Variants in SLC17A6 observed in about 807,000 individuals in gnomAD.
SLC17A6 encodes the protein vesicular glutamate transporter 2.
In SLC17A6, 35 loss-of-function variants were observed where a neutral mutation model predicts 67.1. The ratio of observed to expected loss-of-function variants is 0.52; its 90% CI spans 0.40 to 0.69. The LOEUF is 0.69. Ranked by LOEUF, SLC17A6 falls within the 30% of genes least tolerant of loss-of-function variation. SLC17A6 has a pLI of 0.00. For synonymous variants in SLC17A6, 285 were observed against 252.3 expected (o/e 1.13, Z -1.23); for missense variants, 588 against 723.9 (o/e 0.81, Z 2.15).
In SLC17A6 at chr11:22,362,776, T is replaced by C; in HGVS notation, c.699T>C (p.Ala233=). 2 of 1,613,930 alleles carry C rather than the reference T, an allele frequency of 1.2e-6. No homozygotes were observed. ...GAGCTGTGATTGCAATGCCTTTAGC[T>C]GGCATTCTTGTGCAGTACACTGGCT... ...YAGAVIAMPL[A]GILVQYTGWS... is the part of the protein sequence containing the mutation. Residue 233 remains alanine, a synonymous_variant, in exon 6 of 12, where the codon GCT becomes GCC. Coordinates refer to ENST00000263160, the MANE Select transcript of SLC17A6 (RefSeq NM_020346.3).
In SLC17A6 at chr11:22,343,372, C is replaced by T. The variant is rs556511558; in HGVS notation, c.458+7C>T. ...CTCGGCTGGCAGCCAACAGGTAATG[C>T]GCCAGGCGGGACTGGGGCTCGGGGC... On this transcript the variant is annotated splice_region_variant and intron_variant, in intron 3 of 11. Coordinates refer to ENST00000263160, the MANE Select transcript of SLC17A6 (RefSeq NM_020346.3). The T allele has an allele frequency of 1.2e-6, 2 of 1,603,364 alleles. No homozygotes were observed. The highest frequency in any genetic ancestry group is 1.3e-5 in the African/African-American group (1 of 74,294).
In SLC17A6 at chr11:22,369,370, CTAAT is replaced by C; in HGVS notation, c.892-666_892-663del. Among the ~76,000 whole-genome samples, 3 of 152,032 alleles carry C rather than the reference CTAAT, an allele frequency of 2.0e-5. No individual in the cohort carries two copies. In the South Asian group the frequency reaches 6.2e-4, roughly 32 times the overall value. ...TGAATGCTTTGAATATTTTAAGTAA[CTAAT>C]TATGTGCCAAAGGTACGCTGGGGGT... On this transcript the variant is annotated intron_variant, in intron 7 of 11. Coordinates refer to ENST00000263160, the MANE Select transcript of SLC17A6 (RefSeq NM_020346.3).
intron 3 of SLC17A6, among the ~76,000 whole-genome samples, chr11:22,349,209 A>G: frequency 6.6e-6 from 1 of 152,196 alleles, no homozygotes; most frequent in East Asian, 1.9e-4. Context: ...AAAATAATTC[A>G]GACTATGAAC....
chr11:22,372,699 A>G (rs1203072456), intron 8 of SLC17A6, among the ~76,000 whole-genome samples: 1 of 152,096 alleles, frequency 6.6e-6, no homozygotes, highest in Non-Finnish European at 1.5e-5. Context: ...GCAAAAATCT[A>G]ATTACCTGGA....
chr11:22,350,787 A>G (rs989061741), intron 3 of SLC17A6, among the ~76,000 whole-genome samples: 1 of 152,198 alleles, frequency 6.6e-6, no homozygotes. Flanking sequence ...ATGAAATACC[A>G]GACTGCTTGA....
intron 3 of SLC17A6, among the ~76,000 whole-genome samples, chr11:22,359,175 A>C (rs1232511321): frequency 2.0e-5 from 3 of 152,192 alleles, no homozygotes; most frequent in Admixed American, 2.0e-4. Context: ...GTATAACCAA[A>C]TGTATTGACT....
intron 1 of SLC17A6, among the ~76,000 whole-genome samples, chr11:22,338,844 TG>T (rs1855767470): frequency 6.6e-6 from 1 of 151,194 alleles, no homozygotes; most frequent in Non-Finnish European, 1.5e-5. Flanking sequence ...TGTGTGTGTG[TG>T]TGTGTGTTTG....
In SLC17A6 at chr11:22,362,509, C is replaced by A. The variant is rs117273360; in HGVS notation, c.662-230C>A. Among the ~76,000 whole-genome samples, 537 of 152,216 alleles carry A rather than the reference C, an allele frequency of 3.5e-3. 1 individual carries two copies. The highest frequency in any genetic ancestry group is 7.1e-3 in the East Asian group (37 of 5,182). On this transcript the variant is annotated intron_variant, in intron 5 of 11. Coordinates refer to ENST00000263160, the MANE Select transcript of SLC17A6 (RefSeq NM_020346.3). ...CATGTCTCCATTATTATTTTTAAAT[C>A]TCTGTTGTGTCTTGGGTAGGAGGTA...
chr11:22,365,759 C>G, intron 7 of SLC17A6, 70 bp downstream of exon 7: 1 of 1,482,436 alleles, frequency 6.7e-7, no homozygotes, highest in Non-Finnish European at 9.0e-7. Flanking sequence ...ACCAAACTAT[C>G]TTACAAGTTC....
rs1267967888 is a variant in SLC17A6, at chr11:22,360,905, C to T, written c.582C>T (p.Thr194=). Residue 194 remains threonine, a synonymous_variant, in exon 5 of 12, where the codon ACC becomes ACT. Coordinates refer to ENST00000263160, the MANE Select transcript of SLC17A6 (RefSeq NM_020346.3). ...RILQGLVEGV[T]YPACHGIWSK... ...ATCTTCCCCCATCACAGGGTGTGAC[C>T]TACCCAGCATGTCATGGGATATGGA... The T allele has an allele frequency of 2.5e-6, 4 of 1,613,628 alleles. No homozygotes were observed. Among genetic ancestry groups the T allele is most frequent in the East Asian group, 4.5e-5 (2 of 44,886 alleles).
At position 22,359,499 on chromosome 11, in the gene SLC17A6, T is replaced by C; in HGVS notation, c.545T>C (p.Phe182Ser). The C allele has an allele frequency of 6.2e-7, 1 of 1,607,638 alleles. No individual in the cohort carries two copies. Among genetic ancestry groups the C allele is most frequent in the Non-Finnish European group, 8.5e-7 (1 of 1,176,650 alleles). Residue 182 changes from phenylalanine to serine, a missense_variant, in exon 4 of 12, where the codon TTT becomes TCT. Phe to Ser is a radical substitution (Grantham distance 155, BLOSUM62 -2). Around this residue, in one of 4 missense-constraint regions of SLC17A6, gnomAD observed 414 missense variants for 563.4 expected, o/e 0.73. Coordinates refer to ENST00000263160, the MANE Select transcript of SLC17A6 (RefSeq NM_020346.3). ...AGAGTGCATTATGGATGTGTCATCT[T>C]TGTCAGAATACTGCAGGGACTTGTT... ...AARVHYGCVI[F>S]VRILQGLVEG...
In SLC17A6 at chr11:22,341,881, G is replaced by A. The variant is rs541706469; in HGVS notation, c.339+101G>A. On this transcript the variant is annotated intron_variant, in intron 2 of 11. Transcript: ENST00000263160. The stretch of plus-strand genomic sequence containing the variant: ...CCCGTTCCCCCGCCACTGAGAGGAA[G>A]GTTTGGGTGCTCCCTAAGCTCCTCT... The A allele has an allele frequency of 4.5e-5, 67 of 1,504,114 alleles. No individual in the cohort carries two copies. The African/African-American group carries it at 6.6e-4, about 15-fold the overall frequency. The allele number at this position is 1,504,114 out of a possible 1,614,324, so 93.2% of individuals were successfully genotyped here. A position where few individuals can be genotyped will look rare whatever the true frequency, so the allele number is the denominator to read the frequency against.
intron 2 of SLC17A6, among the ~76,000 whole-genome samples, chr11:22,342,580 G>C (rs1008460731): frequency 6.6e-6 from 1 of 152,088 alleles, no homozygotes; most frequent in Non-Finnish European, 1.5e-5. Context: ...GTTCCCCTCG[G>C]GGAGTCACCC....
intron 3 of SLC17A6, among the ~76,000 whole-genome samples, chr11:22,344,421 T>C (rs944092265): frequency 6.6e-6 from 1 of 152,166 alleles, no homozygotes; most frequent in African/African-American, 2.4e-5. Context: ...TTACTATCCC[T>C]TTCACTAGCG....
chr11:22,346,367 G>C (rs1032981143), intron 3 of SLC17A6, among the ~76,000 whole-genome samples: 7 of 152,274 alleles, frequency 4.6e-5, no homozygotes, highest in African/African-American at 1.2e-4. Context: ...TGGTCACAAT[G>C]CAGACTCCTG....
chr11:22,376,758 T>G, intron 11 of SLC17A6, 86 bp downstream of exon 11: 1 of 1,436,144 alleles, frequency 7.0e-7, no homozygotes, highest in Non-Finnish European at 9.7e-7. Flanking sequence ...AATATTATCC[T>G]TAGCATTTTC....
chr11:22,358,042 T>A (rs981767413), intron 3 of SLC17A6, among the ~76,000 whole-genome samples: 1 of 152,190 alleles, frequency 6.6e-6, no homozygotes, highest in East Asian at 1.9e-4. Flanking sequence ...CACCTTTCTG[T>A]AGCTGATTAA....
intron 1 of SLC17A6, among the ~76,000 whole-genome samples, chr11:22,339,064 T>C (rs907675469): frequency 1.7e-4 from 18 of 104,632 alleles, no homozygotes; most frequent in Non-Finnish European, 3.2e-4. Flanking sequence ...TAATGGTTTA[T>C]ATATATATAT....
chr11:22,363,020 T>A (rs1346354832), intron 6 of SLC17A6, among the ~76,000 whole-genome samples, 195 bp downstream of exon 6: 1 of 152,244 alleles, frequency 6.6e-6, no homozygotes, highest in Admixed American at 6.5e-5. Context: ...TAGATTGCTA[T>A]TTCTTGTTTT....
Sources: allele counts gnomAD v4.1 joint callset (sites outside exome capture counted in the v4.1 genomes callset), GRCh38; gene constraint gnomAD v4.1.1; regional missense constraint gnomAD v4.1.1; transcripts MANE v1.5; gene names NCBI Gene and HGNC (gene_info 2026-07-23, HGNC 2026-07-21).